The following SMYD3 variants were observed in gnomAD, a reference collection of about 807,000 sequenced individuals.
The protein encoded by SMYD3 is SET and MYND domain containing 3, also known as histone-lysine N-methyltransferase SMYD3.
In SMYD3, 36 loss-of-function variants were observed where a neutral mutation model predicts 57.7. The observed-to-expected ratio is 0.62, with a 90% CI of 0.48 to 0.82. SMYD3 has a LOEUF of 0.82. SMYD3 is among the 40% of genes least tolerant of loss of function. The pLI is 0.00. For missense variants in SMYD3, 515 were observed against 538.8 expected (o/e 0.96, Z 0.44); for synonymous variants, 211 against 195.0 (o/e 1.08, Z -0.68).
chr1:245,798,422 ACC>A (rs375194447), intron 10 of SMYD3, among the ~76,000 whole-genome samples: 36 of 21,474 alleles, frequency 1.7e-3, no homozygotes, highest in East Asian at 4.6e-3. Flanking sequence ...ACACATACAC[ACC>A]CCCACACACA....
intron 5 of SMYD3, among the ~76,000 whole-genome samples, chr1:245,958,932 G>A (rs1287245260): frequency 6.6e-6 from 1 of 152,174 alleles, no homozygotes; most frequent in Non-Finnish European, 1.5e-5. Context: ...TTTTGAAACA[G>A]AGTTTCATTC....
chr1:245,994,366 AG>A (rs1362323584), intron 5 of SMYD3, among the ~76,000 whole-genome samples: 1 of 152,220 alleles, frequency 6.6e-6, no homozygotes, highest in Non-Finnish European at 1.5e-5. Flanking sequence ...CGAAGGCGTC[AG>A]CTGAGAGGGA....
chr1:245,924,748 C>T (rs534018053), intron 7 of SMYD3, among the ~76,000 whole-genome samples: 36 of 149,678 alleles, frequency 2.4e-4, no homozygotes, highest in African/African-American at 7.2e-4. Context: ...CCGCAACCTG[C>T]GCCTCCTGGG....
intron 5 of SMYD3, among the ~76,000 whole-genome samples, chr1:246,179,416 TA>T (rs1240128551): frequency 1.3e-5 from 2 of 152,236 alleles, no homozygotes; most frequent in Non-Finnish European, 2.9e-5. Context: ...GTCCTACATA[TA>T]AATCTGTCAG....
At chr1:246,092,011 A>T (rs77636692) in intron 5 of SMYD3, among the ~76,000 whole-genome samples, 2,088 of 151,904 alleles carry the variant, frequency 0.014, 48 homozygotes, top group African/African-American at 0.048. Flanking sequence ...ATTTAACACA[A>T]TTTTTTTTTA....
At chr1:246,014,271 G>A (rs1437808562) in intron 5 of SMYD3, among the ~76,000 whole-genome samples, 4 of 152,180 alleles carry the variant, frequency 2.6e-5, no homozygotes, top group African/African-American at 4.8e-5. Context: ...GCAGTGAGCC[G>A]AGATTGCGGC....
chr1:246,151,547 A>T (rs2061941347), intron 5 of SMYD3, among the ~76,000 whole-genome samples: 1 of 152,210 alleles, frequency 6.6e-6, no homozygotes, highest in Admixed American at 6.5e-5. Flanking sequence ...AAGAAAAAAT[A>T]AAAAACTCTT....
chr1:245,929,746 T>G (rs1450825347), intron 6 of SMYD3, 124 bp downstream of exon 6: 1 of 739,420 alleles, frequency 1.4e-6, no homozygotes, highest in Non-Finnish European at 2.3e-6. Flanking sequence ...AATTTATTGC[T>G]AAGTTTTAAG....
At chr1:245,860,807 C>T (rs1015736257) in intron 9 of SMYD3, among the ~76,000 whole-genome samples, 1 of 152,304 alleles carries the variant, frequency 6.6e-6, no homozygotes, top group South Asian at 2.1e-4. Flanking sequence ...CTTTTCATTC[C>T]AGGATTAGAT....
At chr1:246,008,644 G>A (rs1460494441) in intron 5 of SMYD3, among the ~76,000 whole-genome samples, 2 of 152,196 alleles carry the variant, frequency 1.3e-5, no homozygotes, top group Non-Finnish European at 2.9e-5. Context: ...CCTTTCTCGA[G>A]CAACGCAGGG....
intron 5 of SMYD3, among the ~76,000 whole-genome samples, chr1:246,058,635 A>G (rs963180854): frequency 6.6e-6 from 1 of 152,204 alleles, no homozygotes; most frequent in Non-Finnish European, 1.5e-5. Flanking sequence ...AGGAAGCTTG[A>G]GGAAAGCTTT....
chr1:245,987,287 T>G (rs1311883299), intron 5 of SMYD3, among the ~76,000 whole-genome samples: 4 of 152,160 alleles, frequency 2.6e-5, no homozygotes, highest in African/African-American at 9.7e-5. Context: ...CCAGAGGATA[T>G]CTGCACCCAG....
intron 1 of SMYD3, among the ~76,000 whole-genome samples, chr1:246,443,931 T>G (rs1328050303): frequency 6.6e-6 from 1 of 151,532 alleles, no homozygotes; most frequent in Non-Finnish European, 1.5e-5. Context: ...CAAATAAAAG[T>G]GCTAATCTGC....
chr1:246,371,222 G>T (rs1427536465), intron 1 of SMYD3, among the ~76,000 whole-genome samples: 1 of 152,160 alleles, frequency 6.6e-6, no homozygotes, highest in Non-Finnish European at 1.5e-5. Flanking sequence ...ACTGCCTGTT[G>T]TAAGTCACTC....
Position 245,911,510 on chromosome 1 carries a change from T to C in SMYD3, c.813+4020A>G, listed in dbSNP as rs539567873. The stretch of plus-strand genomic sequence containing the variant: ...AAAAAAAATGCCATATATATATATA[T>C]ACACACACATATACACACACACACA... On this transcript the variant is annotated intron_variant, in intron 8 of 11. Transcript: ENST00000490107. Among the ~76,000 whole-genome samples the C allele has an allele frequency of 1.5e-4, 22 of 150,668 alleles. No individual in the cohort carries two copies. The South Asian group carries it at 1.7e-3, about 12-fold the overall frequency.
At chr1:246,455,939 G>A (rs1048714659) in intron 1 of SMYD3, among the ~76,000 whole-genome samples, 2 of 152,180 alleles carry the variant, frequency 1.3e-5, no homozygotes, top group African/African-American at 2.4e-5. Context: ...CAACAGATAC[G>A]TGAATCAGGC....
At chr1:246,111,170 T>C (rs1027406626) in intron 5 of SMYD3, among the ~76,000 whole-genome samples, 3 of 152,134 alleles carry the variant, frequency 2.0e-5, no homozygotes, top group Non-Finnish European at 4.4e-5. Flanking sequence ...TCATTATAAG[T>C]TTCATCCCCC....
At chr1:245,758,513 A>AT (rs1558306010) in intron 11 of SMYD3, among the ~76,000 whole-genome samples, 1 of 151,758 alleles carries the variant, frequency 6.6e-6, no homozygotes, top group Non-Finnish European at 1.5e-5. Flanking sequence ...TTTCTTCAGT[A>AT]TTTTTTTCTG....
intron 5 of SMYD3, among the ~76,000 whole-genome samples, chr1:246,320,673 A>G (rs1437615330): frequency 6.6e-6 from 1 of 152,226 alleles, no homozygotes; most frequent in African/African-American, 2.4e-5. Flanking sequence ...TTTAGAAAAG[A>G]AAGTTATAAG....
Sources: allele counts gnomAD v4.1 joint callset (sites outside exome capture counted in the v4.1 genomes callset), GRCh38; gene constraint gnomAD v4.1.1; transcripts MANE v1.5; gene names NCBI Gene and HGNC (gene_info 2026-07-23, HGNC 2026-07-21).